CCT8: variants seen among roughly 807,000 people sequenced by gnomAD.
The protein encoded by CCT8 is chaperonin containing TCP1 subunit 8, also known as T-complex protein 1 subunit theta.
Under a neutral mutation model 65.7 loss-of-function variants are expected in CCT8, and 10 were observed. That is an observed-to-expected ratio of 0.15 (90% CI 0.09 to 0.26). The LOEUF is 0.26. Among genes scored for constraint, CCT8 ranks in the 10% least tolerant of loss-of-function variants. CCT8 has a pLI of 1.00. For missense variants in CCT8, 568 were observed against 669.1 expected, an observed-to-expected ratio of 0.85 and a Z score of 1.67; for synonymous variants, 199 against 221.8, an observed-to-expected ratio of 0.90 and a Z score of 0.92.
chr21:29,056,863 T>A (rs1282506731), intron 14 of CCT8, among the ~76,000 whole-genome samples: 4 of 152,170 alleles, frequency 2.6e-5, no homozygotes. Context: ...GCATCACTGG[T>A]GTAAGTCGGT....
At position 29,070,317 on chromosome 21, in the gene CCT8, C is replaced by T; in HGVS notation, c.81G>A (p.Glu27=). The T allele has an allele frequency of 1.2e-6, 2 of 1,610,736 alleles. No individual in the cohort carries two copies. The highest frequency in any genetic ancestry group is 3.4e-5 in the Admixed American group (2 of 59,666). Residue 27 remains glutamate, a synonymous_variant, in exon 2 of 15, where the codon GAG becomes GAA. Coordinates refer to ENST00000286788, the MANE Select transcript of CCT8 (RefSeq NM_006585.4). Reference sequence around the variant, plus strand: ...AAGCTTGTATGTTTCTATACACAGCCTCTTCTAATCCTGAAAAGTGCTGTT... The same window carrying T: ...AAGCTTGTATGTTTCTATACACAGCTTCTTCTAATCCTGAAAAGTGCTGTT... ...EGAKHFSGLE[E]AVYRNIQACK...
intron 3 of CCT8, among the ~76,000 whole-genome samples, chr21:29,068,103 A>G (rs2085643556): frequency 6.6e-6 from 1 of 152,190 alleles, no homozygotes; most frequent in Non-Finnish European, 1.5e-5. Flanking sequence ...CTCAATATCT[A>G]TTTTACTATA....
intron 1 of CCT8, among the ~76,000 whole-genome samples, chr21:29,072,913 T>C (rs1405944802): frequency 1.3e-5 from 2 of 152,172 alleles, no homozygotes; most frequent in South Asian, 2.1e-4. Context: ...TCTCCATAAT[T>C]TAAAGACGAA....
rs372173315 is a variant in CCT8, at chr21:29,061,479, T to C, written c.1284+17A>G. On this transcript the variant is annotated intron_variant, in intron 12 of 14. Coordinates refer to ENST00000286788, the MANE Select transcript of CCT8 (RefSeq NM_006585.4). Reference sequence around the variant, plus strand: ...AAGCAATGGAAAGAAAGTCAATTTATACAGAAAAAGCTGTACCTCTCCATA... The same window carrying C: ...AAGCAATGGAAAGAAAGTCAATTTACACAGAAAAAGCTGTACCTCTCCATA... 1.2e-5 allele frequency: 20 copies of C among 1,613,788 alleles called. 1 individual carries two copies. The Middle Eastern group carries it at 1.3e-3, about 106-fold the overall frequency.
chr21:29,070,126 CATT>C (rs1476836411), intron 2 of CCT8, 118 bp downstream of exon 2: 2 of 536,172 alleles, frequency 3.7e-6, no homozygotes, highest in Non-Finnish European at 3.2e-6. Flanking sequence ...AATGAACTAT[CATT>C]GAGCTATCAA....
chr21:29,058,590 CTTCT>C (rs940385800), intron 14 of CCT8, among the ~76,000 whole-genome samples: 10 of 109,034 alleles, frequency 9.2e-5, no homozygotes, highest in African/African-American at 1.6e-4. Context: ...ATCTGTATTT[CTTCT>C]TTTTTTTTTT....
chr21:29,073,291 G>A (rs2085703897), intron 1 of CCT8: 3 of 1,386,720 alleles, frequency 2.2e-6, no homozygotes, highest in African/African-American at 1.5e-5. Context: ...CCTTCAAGGT[G>A]TACAATGTCG....
At chr21:29,070,848 G>A (rs2085672593) in intron 1 of CCT8, among the ~76,000 whole-genome samples, 1 of 152,186 alleles carries the variant, frequency 6.6e-6, no homozygotes, top group Non-Finnish European at 1.5e-5. Context: ...CTAACTAACT[G>A]TTGAAATGTG....
intron 1 of CCT8, chr21:29,072,081 TC>T (rs1568916880): frequency 1.6e-6 from 1 of 639,258 alleles, no homozygotes; most frequent in South Asian, 1.8e-5. Context: ...GCCTGGCATT[TC>T]CCCCTAAGTA....
intron 7 of CCT8, 57 bp from the exon 8 acceptor site, chr21:29,063,587 G>A (rs971391618): frequency 1.4e-5 from 22 of 1,537,316 alleles, no homozygotes; most frequent in Admixed American, 3.5e-5. Context: ...GGTGTTCAAA[G>A]TCATTAGATA....
At chr21:29,058,699 C>A (rs149834383) in intron 14 of CCT8, among the ~76,000 whole-genome samples, 196 of 151,016 alleles carry the variant, frequency 1.3e-3, no homozygotes, top group Non-Finnish European at 1.9e-3. Context: ...TCATGCCATG[C>A]TCCTGCCTCA....
rs2085628981 is a variant in CCT8, at chr21:29,066,865, CTTTTCA to C, written c.562+20_562+25del. 6.3e-7 allele frequency: 1 copy of C among 1,587,802 alleles called. No individual in the cohort carries two copies. The highest frequency in any genetic ancestry group is 1.8e-5 in the Admixed American group (1 of 56,128). On this transcript the variant is annotated intron_variant, in intron 5 of 14. Coordinates refer to ENST00000286788, the MANE Select transcript of CCT8 (RefSeq NM_006585.4). ...TGTTAAAGGTATTTTTATTTTGGAT[CTTTTCA>C]TTTACTGATATTTACTTACCGCATG...
At chr21:29,060,243 G>A in intron 14 of CCT8, 1 of 194,000 alleles carries the variant, frequency 5.2e-6, no homozygotes, top group Non-Finnish European at 1.0e-5. Flanking sequence ...CTGGTGGTCT[G>A]CAATGTCTGC....
Position 29,062,213 on chromosome 21 carries a change from A to C in CCT8, c.1127T>G (p.Val376Gly), listed in dbSNP as rs142359495. 138 of 1,613,742 alleles carry C rather than the reference A, an allele frequency of 8.6e-5. No individual in the cohort carries two copies. Among genetic ancestry groups the C allele is most frequent in the Non-Finnish European group, 1.1e-4 (131 of 1,179,840 alleles). ...EKEDGAISTI[V>G]LRGSTDNLMD... is the part of the protein sequence containing the mutation. ...CAGATTGTCTGTAGAGCCTCGAAGTACTATGGTAGAAATGGCGCCATCTTC... is the reference window on the plus strand; with the variant it reads ...CAGATTGTCTGTAGAGCCTCGAAGTCCTATGGTAGAAATGGCGCCATCTTC... Residue 376 changes from valine (V) to glycine (G), a missense_variant, in exon 11 of 15, where the codon GTA becomes GGA. Physicochemically the swap from Val to Gly is moderately radical, Grantham distance 109 (BLOSUM62 -3). Coordinates refer to ENST00000286788, the MANE Select transcript of CCT8 (RefSeq NM_006585.4).
chr21:29,067,455 G>C (rs1189038967), intron 4 of CCT8, 101 bp downstream of exon 4: 23 of 883,480 alleles, frequency 2.6e-5, no homozygotes, highest in Non-Finnish European at 3.7e-5. Context: ...ACTGCTCAGT[G>C]CATGTTAGCT....
At chr21:29,062,063 G>GAT in intron 11 of CCT8, 65 bp downstream of exon 11, 1 of 1,048,520 alleles carries the variant, frequency 9.5e-7, no homozygotes, top group East Asian at 2.4e-5. Flanking sequence ...TCTGCAAACT[G>GAT]TACTTTTAAG....
At chr21:29,068,198 T>A (rs2085644600) in intron 3 of CCT8, among the ~76,000 whole-genome samples, 1 of 152,202 alleles carries the variant, frequency 6.6e-6, no homozygotes, top group African/African-American at 2.4e-5. Context: ...TAATTTTATG[T>A]GGATTTTATT....
At chr21:29,062,712 A>C in intron 8 of CCT8, 156 bp from the exon 9 acceptor site, 1 of 639,714 alleles carries the variant, frequency 1.6e-6, no homozygotes, top group East Asian at 2.7e-5. Flanking sequence ...ATGAACACTA[A>C]GGCCAGGAAG....
intron 1 of CCT8, 159 bp downstream of exon 1, chr21:29,073,372 G>C (rs2085705442): frequency 6.9e-7 from 1 of 1,446,340 alleles, no homozygotes; most frequent in Non-Finnish European, 9.1e-7. Context: ...TCCGGTGGCC[G>C]AGCCCTTCCA....
Sources: allele counts gnomAD v4.1 joint callset (sites outside exome capture counted in the v4.1 genomes callset), GRCh38; gene constraint gnomAD v4.1.1; transcripts MANE v1.5; gene names NCBI Gene and HGNC (gene_info 2026-07-23, HGNC 2026-07-21).